The following ABCC4 variants were observed in gnomAD, a reference collection of about 807,000 sequenced individuals.
ABCC4 encodes the protein ATP-binding cassette sub-family C member 4.
A neutral mutation model predicts 168.5 loss-of-function variants in ABCC4; 102 were observed. The ratio of observed to expected loss-of-function variants is 0.61; its 90% CI spans 0.52 to 0.71. ABCC4 has a LOEUF of 0.71. Ranked by LOEUF, ABCC4 falls within the 30% of genes least tolerant of loss-of-function variation. The probability of loss-of-function intolerance (pLI) is 0.00; values close to 1 mark genes in which losing one functional copy is unlikely to be tolerated. For missense variants in ABCC4, 1,402 were observed against 1,605.8 expected, an observed-to-expected ratio of 0.87 and a Z score of 2.17; for synonymous variants, 617 against 590.7, an observed-to-expected ratio of 1.04 and a Z score of -0.65.
intron 19 of ABCC4, among the ~76,000 whole-genome samples, chr13:95,159,704 T>A (rs1324881380): frequency 6.6e-6 from 1 of 152,234 alleles, no homozygotes. Flanking sequence ...GACTTTCTAA[T>A]AACAGCTGAA....
chr13:95,191,720 A>G (rs965778626), intron 9 of ABCC4, among the ~76,000 whole-genome samples: 1 of 152,224 alleles, frequency 6.6e-6, no homozygotes, highest in African/African-American at 2.4e-5. Context: ...CAAAAGGATG[A>G]AAAAACACAA....
chr13:95,217,187 A>G (rs974898601), intron 4 of ABCC4, among the ~76,000 whole-genome samples: 1 of 152,220 alleles, frequency 6.6e-6, no homozygotes, highest in Non-Finnish European at 1.5e-5. Flanking sequence ...ATTGTATTCA[A>G]TTTCTTAAAA....
chr13:95,115,404 C>T (rs1594119844), intron 20 of ABCC4, among the ~76,000 whole-genome samples: 1 of 151,670 alleles, frequency 6.6e-6, no homozygotes, highest in East Asian at 1.9e-4. Context: ...GGCTTTGTAT[C>T]CGCAATAACT....
chr13:95,054,021 C>CTTTTTTTTTTTTTTTTTTTTTTTTTTT (rs55980425), intron 26 of ABCC4: 2 of 71,626 alleles, frequency 2.8e-5, no homozygotes, highest in African/African-American at 1.5e-4. Context: ...ATGGGACATC[C>CTTTTTTTTTTTTTTTTTTTTTTTTTTT]TTTTTTTTTT....
intron 4 of ABCC4, among the ~76,000 whole-genome samples, chr13:95,215,549 T>G (rs1751030): frequency 6.6e-6 from 1 of 152,234 alleles, no homozygotes; most frequent in African/African-American, 2.4e-5. Flanking sequence ...AGAATTTTAC[T>G]GTTGCATACT....
chr13:95,215,553 G>A (rs960050256), intron 4 of ABCC4, among the ~76,000 whole-genome samples: 24 of 152,092 alleles, frequency 1.6e-4, no homozygotes, highest in African/African-American at 5.3e-4. Flanking sequence ...TTTTACTGTT[G>A]CATACTTCTA....
At chr13:95,082,035 A>G (rs1035669899) in intron 21 of ABCC4, among the ~76,000 whole-genome samples, 3 of 152,138 alleles carry the variant, frequency 2.0e-5, no homozygotes, top group Non-Finnish European at 4.4e-5. Flanking sequence ...TCATTGTTAA[A>G]AGAGAAACAT....
intron 3 of ABCC4, among the ~76,000 whole-genome samples, chr13:95,241,453 T>G (rs149139051): frequency 6.6e-6 from 1 of 151,852 alleles, no homozygotes. Context: ...ACAAGCAGCA[T>G]AGATACAAAT....
At chr13:95,166,842 C>G (rs2037289147) in intron 14 of ABCC4, among the ~76,000 whole-genome samples, 1 of 152,132 alleles carries the variant, frequency 6.6e-6, no homozygotes, top group Admixed American at 6.5e-5. Context: ...GTGTGGGAAC[C>G]AGACTTGGAC....
At chr13:95,072,386 G>C (rs182799331) in intron 24 of ABCC4, among the ~76,000 whole-genome samples, 3 of 152,186 alleles carry the variant, frequency 2.0e-5, no homozygotes, top group South Asian at 4.2e-4. Flanking sequence ...GCTTGAACCC[G>C]GGAGGCGGAG....
chr13:95,122,795 A>G (rs1411877021), intron 19 of ABCC4, among the ~76,000 whole-genome samples: 3 of 150,642 alleles, frequency 2.0e-5, no homozygotes, highest in Non-Finnish European at 4.4e-5. Flanking sequence ...CCGGCTACGG[A>G]TAACTGTGCT....
At chr13:95,301,154 C>T in intron 1 of ABCC4, 87 bp downstream of exon 1, 22 of 1,319,362 alleles carry the variant, frequency 1.7e-5, no homozygotes, top group Non-Finnish European at 2.3e-5. Context: ...CCGCAGAGGG[C>T]TTGGGCAGCA....
chr13:95,125,840 T>C lies in ABCC4; in HGVS notation c.2456-9839A>G, dbSNP rs569662464. ...AAAGTTAGGAAGACAGACCAGGCCA[T>C]TTCCTTTACCCATGGATCTCAAGAA... On this transcript the variant is annotated intron_variant, in intron 19 of 30. Transcript: ENST00000645237. Among the ~76,000 whole-genome samples, 4 of 152,290 alleles carry C rather than the reference T, an allele frequency of 2.6e-5. No individual in the cohort carries two copies. In the South Asian group the frequency reaches 8.3e-4, roughly 32 times the overall value.
intron 1 of ABCC4, among the ~76,000 whole-genome samples, chr13:95,292,672 T>C (rs548841287): frequency 6.6e-6 from 1 of 152,334 alleles, no homozygotes; most frequent in Admixed American, 6.5e-5. Context: ...ATTTCCCCAC[T>C]GCCCAGTATC....
chr13:95,222,574 G>A (rs566263587), intron 4 of ABCC4, among the ~76,000 whole-genome samples: 7 of 152,316 alleles, frequency 4.6e-5, no homozygotes, highest in South Asian at 2.1e-4. Flanking sequence ...GCGGGCACAG[G>A]TCAAGGCCGC....
At chr13:95,104,654 A>G (rs2034935803) in intron 20 of ABCC4, among the ~76,000 whole-genome samples, 1 of 152,222 alleles carries the variant, frequency 6.6e-6, no homozygotes, top group Non-Finnish European at 1.5e-5. Flanking sequence ...CTGTTTCATC[A>G]GTTTATATGA....
intron 10 of ABCC4, 32 bp from the exon 11 acceptor site, chr13:95,186,924 GTCAACAC>G (rs2038084479): frequency 2.5e-6 from 4 of 1,569,560 alleles, no homozygotes; most frequent in Non-Finnish European, 3.5e-6. Context: ...CACATGTTCA[GTCAACAC>G]TCGAGACAAG....
At chr13:95,196,592 GGAAGGAAGGAAGGAA>G (rs2038431748) in intron 8 of ABCC4, among the ~76,000 whole-genome samples, 1 of 1,786 alleles carries the variant, frequency 5.6e-4, no homozygotes, top group Non-Finnish European at 1.7e-3. Context: ...GAGGAAGGAA[GGAAGGAAGGAAGGAA>G]GGAAGGAAGG....
intron 8 of ABCC4, among the ~76,000 whole-genome samples, chr13:95,203,173 C>G (rs759257178): frequency 6.6e-6 from 1 of 152,122 alleles, no homozygotes; most frequent in Non-Finnish European, 1.5e-5. Flanking sequence ...CCAGCTATTA[C>G]CTGTTCATAT....
Sources: gnomAD v4.1 joint callset for allele counts (sites outside exome capture counted in the v4.1 genomes callset) on GRCh38, gnomAD v4.1.1 for gene constraint, MANE v1.5 for transcripts, NCBI Gene and HGNC (gene_info 2026-07-23, HGNC 2026-07-21) for gene names.